Variants in ENO4 observed in about 807,000 individuals in gnomAD.
ENO4 encodes 2-phospho-D-glycerate hydro-lyase.
Under a neutral mutation model 63.2 loss-of-function variants are expected in ENO4, and 53 were observed. The ratio of observed to expected loss-of-function variants is 0.84; its 90% CI spans 0.67 to 1.05. The LOEUF is 1.05. Ranked by LOEUF, ENO4 falls within the 50% of genes least tolerant of loss-of-function variation. ENO4 has a pLI of 0.00. For missense variants in ENO4, 719 were observed against 772.0 expected, an observed-to-expected ratio of 0.93 and a Z score of 0.81; for synonymous variants, 266 against 283.8, an observed-to-expected ratio of 0.94 and a Z score of 0.63.
intron 11 of ENO4, among the ~76,000 whole-genome samples, chr10:116,877,689 C>G (rs989520167): frequency 2.0e-5 from 3 of 152,074 alleles, no homozygotes; most frequent in African/African-American, 7.2e-5. Flanking sequence ...CAATGGGGAT[C>G]AGGGGATGAC....
At chr10:116,875,434 C>A (rs1846802574) in intron 10 of ENO4, among the ~76,000 whole-genome samples, 1 of 152,102 alleles carries the variant, frequency 6.6e-6, no homozygotes, top group Non-Finnish European at 1.5e-5. Context: ...CAGCCTTGAC[C>A]TCCCAGGCTC....
chr10:116,887,863 G>A (rs1441466236), intron 10 of ENO4, among the ~76,000 whole-genome samples: 2 of 152,182 alleles, frequency 1.3e-5, no homozygotes, highest in Non-Finnish European at 2.9e-5. Context: ...TTGGGTGTGA[G>A]TAGGTCTGGA....
At chr10:116,849,976 T>A (rs117310842) in intron 1 of ENO4, 8,341 of 682,600 alleles carry the variant, frequency 0.012, 71 homozygotes, top group Non-Finnish European at 0.018. Flanking sequence ...GCTAGGCGTA[T>A]TTGACCTGCA....
chr10:116,881,972 CTCAG>C lies in ENO4; in HGVS notation c.*307_*310del, dbSNP rs199801195. On this transcript the variant is annotated 3_prime_UTR_variant, in exon 14 of 14. Coordinates refer to ENST00000341276, the MANE Select transcript of ENO4 (RefSeq NM_001242699.2). ...CAATATTTTTGTTGCCAACTCCACA[CTCAG>C]TCAAACACCCCATCCTTTACCAATC... is the stretch of plus-strand genomic sequence containing the variant. 1,074 of 242,038 alleles carry C rather than the reference CTCAG, an allele frequency of 4.4e-3. 14 individuals are homozygous for C. The highest frequency in any genetic ancestry group is 0.023 in the African/African-American group (1,010 of 44,834). The allele number at this position is 242,038 out of a possible 1,614,324, so 15.0% of individuals were successfully genotyped here.
intron 7 of ENO4, among the ~76,000 whole-genome samples, chr10:116,865,707 C>A (rs76642511): frequency 1.3e-5 from 2 of 152,078 alleles, no homozygotes; most frequent in Non-Finnish European, 2.9e-5. Context: ...GAGTTCTGAC[C>A]GCATTTTGTA....
At chr10:116,849,760 C>T (rs1308201966) in intron 1 of ENO4, 29 bp downstream of exon 1, 2 of 1,477,298 alleles carry the variant, frequency 1.4e-6, no homozygotes, top group Admixed American at 2.4e-5. Flanking sequence ...CGCTCTCCTC[C>T]CGCCAACCCC....
chr10:116,890,664 C>T (rs560790301), intron 10 of ENO4, among the ~76,000 whole-genome samples: 1 of 152,332 alleles, frequency 6.6e-6, no homozygotes, highest in South Asian at 2.1e-4. Context: ...AAGCCTGGTG[C>T]CCAAGTAAAA....
At chr10:116,906,231 C>T (rs1428184366) in intron 10 of ENO4, among the ~76,000 whole-genome samples, 1 of 152,170 alleles carries the variant, frequency 6.6e-6, no homozygotes, top group East Asian at 1.9e-4. Context: ...AACTGAGGCA[C>T]AAAGAGGTTC....
downstream of ENO4, chr10:116,886,527 G>A (rs111941372): frequency 5.7e-5 from 92 of 1,613,972 alleles, no homozygotes; most frequent in African/African-American, 6.3e-4. Context: ...GTTTTTCACC[G>A]TCAATGTATT....
At chr10:116,877,087 C>T (rs888082016) in intron 11 of ENO4, among the ~76,000 whole-genome samples, 17 of 152,020 alleles carry the variant, frequency 1.1e-4, no homozygotes, top group Non-Finnish European at 2.2e-4. Flanking sequence ...GCCAGGCTTC[C>T]GGCTACAATG....
intron 7 of ENO4, among the ~76,000 whole-genome samples, chr10:116,863,767 T>TTGGC (rs1846480585): frequency 6.6e-6 from 1 of 152,192 alleles, no homozygotes; most frequent in Non-Finnish European, 1.5e-5. Context: ...GCGATGGTGG[T>TTGGC]TGGCTGGCTG....
At chr10:116,869,169 T>A (rs1431428040) in intron 8 of ENO4, among the ~76,000 whole-genome samples, 1 of 152,186 alleles carries the variant, frequency 6.6e-6, no homozygotes, top group East Asian at 1.9e-4. Flanking sequence ...GAACTCCGAT[T>A]TTGCCAGGAG....
intron 7 of ENO4, among the ~76,000 whole-genome samples, chr10:116,867,351 A>AT (rs370927113): frequency 6.8e-6 from 1 of 148,108 alleles, no homozygotes; most frequent in East Asian, 2.0e-4. Context: ...AATACATTGC[A>AT]TTTTTTATGA....
At chr10:116,876,898 C>T (rs1846850906) in intron 11 of ENO4, among the ~76,000 whole-genome samples, 1 of 152,054 alleles carries the variant, frequency 6.6e-6, no homozygotes, top group Non-Finnish European at 1.5e-5. Flanking sequence ...TTGCAGTGAG[C>T]CGAGATCGCG....
intron 10 of ENO4, among the ~76,000 whole-genome samples, chr10:116,891,689 T>C (rs545545800): frequency 6.6e-6 from 1 of 152,326 alleles, no homozygotes; most frequent in South Asian, 2.1e-4. Context: ...TGATTGTTTC[T>C]TTTGGAAACC....
At chr10:116,875,853 C>G (rs1846817014) in intron 10 of ENO4, among the ~76,000 whole-genome samples, 1 of 152,214 alleles carries the variant, frequency 6.6e-6, no homozygotes, top group South Asian at 2.1e-4. Flanking sequence ...TTCATAAAAC[C>G]TTTAAGCTCA....
intron 10 of ENO4, among the ~76,000 whole-genome samples, chr10:116,897,402 A>C (rs1371944363): frequency 6.6e-6 from 1 of 152,182 alleles, no homozygotes; most frequent in Non-Finnish European, 1.5e-5. Context: ...ATTGGCTAGG[A>C]ATTACTGGGA....
Position 116,849,613 on chromosome 10 carries a change from T to C in ENO4, c.47T>C (p.Leu16Pro), listed in dbSNP as rs945608411. ...GGRSCGTTRELQKLKQQAMEY... is the reference protein window; with the variant it reads ...GGRSCGTTREPQKLKQQAMEY... ...CGCAGCTGTGGGACCACTAGGGAGCTGCAGAAGCTGAAGCAGCAGGCGATG... is the reference window on the plus strand; with the variant it reads ...CGCAGCTGTGGGACCACTAGGGAGCCGCAGAAGCTGAAGCAGCAGGCGATG... The change falls in exon 1 of 14, where the codon CTG becomes CCG. Residue 16 changes from leucine to proline, a missense_variant. Around this residue, in one of 3 missense-constraint regions of ENO4, gnomAD observed 544 missense variants for 583.6 expected, o/e 0.93. Transcript: ENST00000341276. 9 of 1,549,888 alleles carry C rather than the reference T, an allele frequency of 5.8e-6. No individual in the cohort carries two copies. Among genetic ancestry groups the C allele is most frequent in the African/African-American group, 1.4e-5 (1 of 73,038 alleles).
chr10:116,861,664 A>G (rs1846418282), intron 6 of ENO4, among the ~76,000 whole-genome samples: 2 of 152,304 alleles, frequency 1.3e-5, no homozygotes, highest in East Asian at 1.9e-4. Context: ...GAGGTGTGCA[A>G]GGATCTATAC....
Sources: allele counts gnomAD v4.1 joint callset (sites outside exome capture counted in the v4.1 genomes callset), GRCh38; gene constraint gnomAD v4.1.1; regional missense constraint gnomAD v4.1.1; transcripts MANE v1.5; gene names NCBI Gene and HGNC (gene_info 2026-07-23, HGNC 2026-07-21).